Variants in CDH13 observed in about 807,000 individuals in gnomAD.
The protein encoded by CDH13 is cadherin 13, also known as cadherin-13.
CDH13 carries 24 observed loss-of-function variants against 63.8 expected under a neutral mutation model. The observed-to-expected ratio is 0.38, with a 90% CI of 0.27 to 0.53. CDH13 has a LOEUF of 0.53. Among genes scored for constraint, CDH13 ranks in the 20% least tolerant of loss-of-function variants. The probability of loss-of-function intolerance (pLI) is 0.85; values close to 1 mark genes in which losing one functional copy is unlikely to be tolerated. For missense variants in CDH13, 1,049 were observed against 903.1 expected (o/e 1.16, Z -2.07); for synonymous variants, 503 against 355.3 (o/e 1.42, Z -4.67).
At chr16:83,304,037 A>G (rs996350163) in intron 5 of CDH13, among the ~76,000 whole-genome samples, 10 of 152,132 alleles carry the variant, frequency 6.6e-5, no homozygotes, top group Non-Finnish European at 8.8e-5. Flanking sequence ...AGGGTGTGCA[A>G]TGGTATTGAG....
intron 2 of CDH13, chr16:82,990,072 C>G (rs991515098): frequency 6.6e-6 from 1 of 151,958 alleles, no homozygotes; most frequent in South Asian, 2.1e-4. Flanking sequence ...TACTGTATCA[C>G]ATCATGATTT....
At chr16:83,682,580 G>A (rs1383718508) in intron 10 of CDH13, among the ~76,000 whole-genome samples, 3 of 152,136 alleles carry the variant, frequency 2.0e-5, no homozygotes, top group African/African-American at 7.2e-5. Context: ...TGTGTTGGCT[G>A]TGCGGTCACC....
At chr16:83,789,792 G>A (rs1454193245) in intron 13 of CDH13, among the ~76,000 whole-genome samples, 1 of 152,004 alleles carries the variant, frequency 6.6e-6, no homozygotes, top group Non-Finnish European at 1.5e-5. Flanking sequence ...GACCAAATCT[G>A]GTCTACTGCC....
intron 1 of CDH13, among the ~76,000 whole-genome samples, chr16:82,804,307 A>ACG (rs1567552289): frequency 1.1e-4 from 16 of 148,232 alleles, no homozygotes; most frequent in Non-Finnish European, 1.8e-4. Flanking sequence ...ACACACACAC[A>ACG]CACACGCACA....
rs118142942 is a variant in CDH13 at position 83,167,429 on chromosome 16, G to A, written c.483+41928G>A. 6.2e-3 allele frequency among the ~76,000 whole-genome samples: 935 copies of A among 150,774 alleles called. 14 individuals are homozygous for A. Among genetic ancestry groups the A allele is most frequent in the Non-Finnish European group, 0.011 (723 of 67,760 alleles). On this transcript the variant is annotated intron_variant, in intron 4 of 13. Coordinates refer to ENST00000567109, the MANE Select transcript of CDH13 (RefSeq NM_001257.5). ...GGAGAATCTCTTGAACCTGGGAAGCGGCAGAAGTTGCAGTGAGCTGAGATC... is the reference window on the plus strand; with the variant it reads ...GGAGAATCTCTTGAACCTGGGAAGCAGCAGAAGTTGCAGTGAGCTGAGATC...
intron 11 of CDH13, among the ~76,000 whole-genome samples, chr16:83,759,111 T>C (rs1046720838): frequency 6.6e-6 from 1 of 152,196 alleles, no homozygotes; most frequent in African/African-American, 2.4e-5. Context: ...GAATAAGTTG[T>C]AGAACTTACA....
chr16:82,925,564 C>G (rs567731725), intron 2 of CDH13, among the ~76,000 whole-genome samples: 5 of 152,180 alleles, frequency 3.3e-5, no homozygotes, highest in Non-Finnish European at 7.3e-5. Flanking sequence ...ATTCGTGTCC[C>G]CAGCCATTGT....
intron 4 of CDH13, among the ~76,000 whole-genome samples, chr16:83,177,610 C>A (rs1384850752): frequency 6.6e-6 from 1 of 152,134 alleles, no homozygotes; most frequent in Non-Finnish European, 1.5e-5. Flanking sequence ...GGTGAGTCTC[C>A]AGTGAATGGG....
At chr16:83,020,485 C>G (rs921170181) in intron 2 of CDH13, among the ~76,000 whole-genome samples, 7 of 152,224 alleles carry the variant, frequency 4.6e-5, no homozygotes, top group African/African-American at 1.7e-4. Flanking sequence ...AGTGTTCTCT[C>G]TACCAGAACA....
At chr16:82,770,702 T>C (rs1196800255) in intron 1 of CDH13, among the ~76,000 whole-genome samples, 3 of 152,172 alleles carry the variant, frequency 2.0e-5, no homozygotes, top group African/African-American at 4.8e-5. Flanking sequence ...GGCACACTTA[T>C]TTTCTATATT....
rs377761609 is a variant in CDH13 at position 82,662,415 on chromosome 16, A to G, written c.45+35278A>G. Among the ~76,000 whole-genome samples the G allele has an allele frequency of 7.2e-5, 11 of 152,378 alleles. No individual in the cohort carries two copies. In the East Asian group the frequency reaches 2.1e-3, roughly 29 times the overall value. On this transcript the variant is annotated intron_variant, in intron 1 of 13. Transcript: ENST00000567109. ...GCATGTGTTACTGTTGTAATTAAAA[A>G]GAGATTTATGTGATGAAAACTGATG...
intron 6 of CDH13, among the ~76,000 whole-genome samples, chr16:83,401,657 G>A (rs1483287821): frequency 6.7e-6 from 1 of 148,926 alleles, no homozygotes; most frequent in Non-Finnish European, 1.5e-5. Context: ...CCATTTTATG[G>A]ACAAAAAAAA....
At chr16:83,283,356 C>T (rs1371500557) in intron 5 of CDH13, among the ~76,000 whole-genome samples, 2 of 152,040 alleles carry the variant, frequency 1.3e-5, no homozygotes, top group African/African-American at 4.8e-5. Context: ...TTTGGGTGGC[C>T]GAGGAGGGTG....
At chr16:83,341,557 T>C (rs2090723149) in intron 5 of CDH13, among the ~76,000 whole-genome samples, 3 of 152,152 alleles carry the variant, frequency 2.0e-5, no homozygotes, top group Admixed American at 2.0e-4. Flanking sequence ...ACACAAACAT[T>C]TCCTATTATA....
At chr16:83,600,689 A>T (rs2150748527) in intron 7 of CDH13, among the ~76,000 whole-genome samples, 1 of 152,210 alleles carries the variant, frequency 6.6e-6, no homozygotes, top group Admixed American at 6.5e-5. Flanking sequence ...AACACCTATT[A>T]TTTTTGTTAC....
In CDH13 at chr16:83,570,124, C is replaced by T. The variant is rs140202639; in HGVS notation, c.961-32330C>T. On this transcript the variant is annotated intron_variant, in intron 7 of 13. Transcript: ENST00000567109. ...GTGTAGCCCCTGTTTTCTTACAAAA[C>T]AGGAAGAAGCTCTATTGTTGGCCAG... Among the ~76,000 whole-genome samples the T allele has an allele frequency of 6.6e-3, 1,002 of 152,276 alleles. 11 individuals carry two copies. The highest frequency in any genetic ancestry group is 0.023 in the African/African-American group (948 of 41,552).
chr16:83,296,088 C>G (rs1211738100), intron 5 of CDH13, among the ~76,000 whole-genome samples: 1 of 152,158 alleles, frequency 6.6e-6, no homozygotes, highest in Non-Finnish European at 1.5e-5. Flanking sequence ...GATAATCTCA[C>G]AGGGTAAATT....
chr16:83,158,667 A>G (rs1447602069), intron 4 of CDH13, among the ~76,000 whole-genome samples: 3 of 152,242 alleles, frequency 2.0e-5, no homozygotes, highest in African/African-American at 7.2e-5. Flanking sequence ...CACGTTAAAC[A>G]GATCCACGGT....
intron 6 of CDH13, among the ~76,000 whole-genome samples, chr16:83,377,619 C>T (rs1031099303): frequency 2.0e-5 from 3 of 152,246 alleles, no homozygotes; most frequent in Admixed American, 6.5e-5. Flanking sequence ...AAAAATAAAG[C>T]AAAAGTCATT....
Sources: allele counts gnomAD v4.1 joint callset (sites outside exome capture counted in the v4.1 genomes callset), GRCh38; gene constraint gnomAD v4.1.1; transcripts MANE v1.5; gene names NCBI Gene and HGNC (gene_info 2026-07-23, HGNC 2026-07-21).